Variants in SH3RF3 observed in about 807,000 individuals in gnomAD.
SH3RF3 encodes the protein E3 ubiquitin-protein ligase SH3RF3.
SH3RF3 carries 29 observed loss-of-function variants against 66.3 expected under a neutral mutation model. The ratio of observed to expected loss-of-function variants is 0.44; its 90% CI spans 0.33 to 0.60. The LOEUF (loss-of-function observed/expected upper bound fraction) is 0.60, where lower values mean the gene tolerates loss of function less well. Among genes scored for constraint, SH3RF3 ranks in the 20% least tolerant of loss-of-function variants. The pLI, the probability that SH3RF3 is intolerant of heterozygous loss-of-function variation, is 0.04. For missense variants in SH3RF3, 1,194 were observed against 1,190.9 expected, an observed-to-expected ratio of 1.00 and a Z score of -0.04; for synonymous variants, 583 against 532.0, an observed-to-expected ratio of 1.10 and a Z score of -1.32.
At chr2:109,251,223 G>A (rs1195302407) in intron 1 of SH3RF3, among the ~76,000 whole-genome samples, 1 of 151,986 alleles carries the variant, frequency 6.6e-6, no homozygotes, top group East Asian at 1.9e-4. Flanking sequence ...GGCTGGTCTC[G>A]AACTCCTTAC....
chr2:109,334,312 C>G (rs192761287), intron 1 of SH3RF3, among the ~76,000 whole-genome samples: 77 of 143,810 alleles, frequency 5.4e-4, no homozygotes, highest in African/African-American at 1.6e-3. Flanking sequence ...GAGCCATGAT[C>G]ACACCACTCG....
chr2:109,146,840 C>T (rs4473416), intron 1 of SH3RF3, among the ~76,000 whole-genome samples: 7 of 44,606 alleles, frequency 1.6e-4, no homozygotes, highest in Non-Finnish European at 2.4e-4. Flanking sequence ...CTAACCCTCC[C>T]CTCCCCTCCC....
chr2:109,357,202 G>T (rs1682963397), intron 2 of SH3RF3, among the ~76,000 whole-genome samples: 1 of 149,948 alleles, frequency 6.7e-6, no homozygotes, highest in Non-Finnish European at 1.5e-5. Flanking sequence ...TTTTTTTTGA[G>T]ACGGAGTCTT....
intron 1 of SH3RF3, among the ~76,000 whole-genome samples, chr2:109,298,826 T>C (rs1421018478): frequency 2.0e-5 from 3 of 152,206 alleles, no homozygotes; most frequent in Admixed American, 1.3e-4. Context: ...CAGAGGGTCC[T>C]GTTTCTGCCC....
chr2:109,161,087 CTG>C (rs1677476654), intron 1 of SH3RF3, among the ~76,000 whole-genome samples: 1 of 152,174 alleles, frequency 6.6e-6, no homozygotes, highest in African/African-American at 2.4e-5. Context: ...AGGCAATCGA[CTG>C]TTCATTTAGA....
intron 8 of SH3RF3, among the ~76,000 whole-genome samples, chr2:109,467,008 A>G (rs1405229110): frequency 6.6e-6 from 1 of 152,220 alleles, no homozygotes; most frequent in East Asian, 1.9e-4. Flanking sequence ...AAGAGGCTGC[A>G]TATTTAAAGG....
intron 8 of SH3RF3, among the ~76,000 whole-genome samples, chr2:109,450,960 A>G (rs558093201): frequency 1.0e-3 from 154 of 152,326 alleles, no homozygotes; most frequent in Non-Finnish European, 1.7e-3. Flanking sequence ...TCTCGAGGAC[A>G]TTGCCAAACC....
At chr2:109,374,585 A>G (rs1683340799) in intron 3 of SH3RF3, among the ~76,000 whole-genome samples, 2 of 152,120 alleles carry the variant, frequency 1.3e-5, no homozygotes, top group African/African-American at 2.4e-5. Flanking sequence ...TGGAGCTTCC[A>G]TCTTGGGCTA....
intron 1 of SH3RF3, 121 bp downstream of exon 1, chr2:109,130,234 C>G (rs1445956963): frequency 2.1e-6 from 2 of 949,354 alleles, no homozygotes; most frequent in African/African-American, 3.4e-5. Flanking sequence ...TTGGCCCACT[C>G]CGCTGTTGCT....
intron 1 of SH3RF3, among the ~76,000 whole-genome samples, chr2:109,271,188 C>A (rs2105318489): frequency 6.6e-6 from 1 of 152,204 alleles, no homozygotes; most frequent in Admixed American, 6.5e-5. Context: ...TGCTAATGAG[C>A]AAAACAAGGT....
At chr2:109,159,953 A>G (rs746586547) in intron 1 of SH3RF3, among the ~76,000 whole-genome samples, 1 of 152,198 alleles carries the variant, frequency 6.6e-6, no homozygotes, top group African/African-American at 2.4e-5. Flanking sequence ...CTATATTACA[A>G]TGTAATAATA....
intron 1 of SH3RF3, among the ~76,000 whole-genome samples, chr2:109,298,284 C>A (rs1397974350): frequency 3.4e-5 from 5 of 148,826 alleles, no homozygotes; most frequent in Admixed American, 6.8e-5. Context: ...GAGAGAACTC[C>A]GTGGCTGGCT....
intron 3 of SH3RF3, among the ~76,000 whole-genome samples, chr2:109,376,833 C>CT (rs1400830863): frequency 1.3e-5 from 2 of 152,252 alleles, no homozygotes; most frequent in African/African-American, 4.8e-5. Flanking sequence ...CTCAGCATCT[C>CT]TGACAGTAAA....
chr2:109,331,232 G>T (rs996139567), intron 1 of SH3RF3, among the ~76,000 whole-genome samples: 3 of 152,214 alleles, frequency 2.0e-5, no homozygotes, highest in East Asian at 3.9e-4. Context: ...TCCTGATATT[G>T]TGTACAGACC....
intron 4 of SH3RF3, among the ~76,000 whole-genome samples, chr2:109,402,671 A>T (rs1321536833): frequency 1.3e-5 from 2 of 152,214 alleles, no homozygotes; most frequent in Non-Finnish European, 2.9e-5. Flanking sequence ...GACTGACAGG[A>T]TGAATTCTTG....
chr2:109,171,707 C>G (rs1230650197), intron 1 of SH3RF3, among the ~76,000 whole-genome samples: 1 of 152,252 alleles, frequency 6.6e-6, no homozygotes, highest in Non-Finnish European at 1.5e-5. Flanking sequence ...CTAATGCCTT[C>G]CAGAGGCCCA....
intron 1 of SH3RF3, among the ~76,000 whole-genome samples, chr2:109,305,009 A>T (rs1249858030): frequency 6.6e-6 from 1 of 152,110 alleles, no homozygotes; most frequent in African/African-American, 2.4e-5. Flanking sequence ...ATTTGTCTGG[A>T]TATCTGGTTT....
chr2:109,143,681 G>A (rs1277163086), intron 1 of SH3RF3, among the ~76,000 whole-genome samples: 1 of 152,040 alleles, frequency 6.6e-6, no homozygotes, highest in Non-Finnish European at 1.5e-5. Context: ...TTAAGCCCAG[G>A]AGGTTGAGGC....
intron 1 of SH3RF3, among the ~76,000 whole-genome samples, chr2:109,154,377 C>T (rs1477187401): frequency 6.6e-6 from 1 of 152,178 alleles, no homozygotes; most frequent in Non-Finnish European, 1.5e-5. Flanking sequence ...GTAGGGAGTA[C>T]AGATACACAG....
Sources: allele counts gnomAD v4.1 joint callset (sites outside exome capture counted in the v4.1 genomes callset), GRCh38; gene constraint gnomAD v4.1.1; transcripts MANE v1.5; gene names NCBI Gene and HGNC (gene_info 2026-07-23, HGNC 2026-07-21).